PPFIA2: variants seen among roughly 807,000 people sequenced by gnomAD.
PPFIA2 encodes PPFI scaffold protein A2.
A neutral mutation model predicts 175.5 loss-of-function variants in PPFIA2; 46 were observed. The ratio of observed to expected loss-of-function variants is 0.26; its 90% CI spans 0.21 to 0.34. The LOEUF (loss-of-function observed/expected upper bound fraction) is 0.34. PPFIA2 is among the 10% of genes least tolerant of loss of function. PPFIA2 has a pLI of 1.00. For synonymous variants in PPFIA2, 568 were observed against 511.4 expected, an observed-to-expected ratio of 1.11 and a Z score of -1.49; for missense variants, 1,179 against 1,506.1, an observed-to-expected ratio of 0.78 and a Z score of 3.60.
intron 24 of PPFIA2, among the ~76,000 whole-genome samples, chr12:81,293,309 C>A (rs963159942): frequency 2.0e-4 from 31 of 151,876 alleles, no homozygotes; most frequent in Admixed American, 6.6e-4. Flanking sequence ...TCATGCATGC[C>A]TTTTTTGTCA....
chr12:81,683,949 A>G (rs2074060903), intron 3 of PPFIA2, among the ~76,000 whole-genome samples: 1 of 152,026 alleles, frequency 6.6e-6, no homozygotes, highest in Non-Finnish European at 1.5e-5. Context: ...TGTAACAACC[A>G]GCTCTCATGG....
intron 14 of PPFIA2, among the ~76,000 whole-genome samples, chr12:81,364,863 T>A (rs2032580780): frequency 6.6e-6 from 1 of 151,758 alleles, no homozygotes; most frequent in Admixed American, 6.6e-5. Flanking sequence ...CCTGAGTAAC[T>A]GAAAGAAAGA....
At chr12:81,642,633 C>CTATTATATACATACATTATGTATA (rs2065137628) in intron 4 of PPFIA2, among the ~76,000 whole-genome samples, 2 of 20,228 alleles carry the variant, frequency 9.9e-5, no homozygotes, top group African/African-American at 2.6e-4. Context: ...TACTATATAT[C>CTATTATATACATACATTATGTATA]TATTATATAC....
At chr12:81,337,279 T>G (rs1227610724) in intron 21 of PPFIA2, among the ~76,000 whole-genome samples, 1 of 152,166 alleles carries the variant, frequency 6.6e-6, no homozygotes, top group Non-Finnish European at 1.5e-5. Context: ...AGCTGCTGAT[T>G]CTGGCTTTGT....
intron 4 of PPFIA2, among the ~76,000 whole-genome samples, chr12:81,531,168 T>G (rs563939983): frequency 6.6e-6 from 1 of 151,930 alleles, no homozygotes; most frequent in Non-Finnish European, 1.5e-5. Flanking sequence ...TCCCAGCGAA[T>G]AGAAGCCATG....
At chr12:81,597,901 T>C (rs1265881581) in intron 4 of PPFIA2, 106 of 1,506,100 alleles carry the variant, frequency 7.0e-5, no homozygotes, top group Admixed American at 1.6e-4. Context: ...TGTTAAAAGT[T>C]TGACAATACA....
At chr12:81,514,171 T>A (rs1156502278) in intron 4 of PPFIA2, among the ~76,000 whole-genome samples, 1 of 151,532 alleles carries the variant, frequency 6.6e-6, no homozygotes, top group Non-Finnish European at 1.5e-5. Context: ...CCAGTCAAGT[T>A]CCCCCCCTGA....
chr12:81,279,041 C>T (rs1219699088), intron 27 of PPFIA2: 1 of 152,108 alleles, frequency 6.6e-6, no homozygotes, highest in African/African-American at 2.4e-5. Context: ...ATTCTCAGTA[C>T]TTCAGAATGT....
chr12:81,544,049 A>T (rs1594756975), intron 4 of PPFIA2, among the ~76,000 whole-genome samples: 2 of 152,094 alleles, frequency 1.3e-5, no homozygotes, highest in South Asian at 4.1e-4. Context: ...AGCCAAAGAG[A>T]TACGAATAAA....
chr12:81,652,790 C>T (rs2153534655), intron 4 of PPFIA2, among the ~76,000 whole-genome samples: 1 of 152,126 alleles, frequency 6.6e-6, no homozygotes, highest in East Asian at 1.9e-4. Context: ...ATACTGTTAT[C>T]CCTGAAATTT....
At chr12:81,648,347 C>T (rs2153528358) in intron 4 of PPFIA2, among the ~76,000 whole-genome samples, 1 of 151,806 alleles carries the variant, frequency 6.6e-6, no homozygotes, top group South Asian at 2.1e-4. Flanking sequence ...TGACATTCAT[C>T]TATGTAAAAA....
chr12:81,433,025 T>TA (rs56038834), intron 7 of PPFIA2, among the ~76,000 whole-genome samples: 41,662 of 147,650 alleles, frequency 0.28, 6,514 homozygotes, highest in East Asian at 0.43. Flanking sequence ...TAACAAAAAT[T>TA]AAAAAAAAAA....
chr12:81,412,078 G>A (rs1482672396), intron 7 of PPFIA2, among the ~76,000 whole-genome samples: 3 of 151,796 alleles, frequency 2.0e-5, no homozygotes, highest in African/African-American at 7.3e-5. Context: ...TAAAAGAGAG[G>A]TAAAACATCA....
At chr12:81,420,936 T>C (rs2046133180) in intron 7 of PPFIA2, among the ~76,000 whole-genome samples, 1 of 151,940 alleles carries the variant, frequency 6.6e-6, no homozygotes, top group Non-Finnish European at 1.5e-5. Flanking sequence ...CAACTCATTA[T>C]GTGAAAGAGA....
Position 81,477,229 on chromosome 12 carries a change from G to GA in PPFIA2, c.304-19364dup, listed in dbSNP as rs1273266703. On this transcript the variant is annotated intron_variant, in intron 4 of 32. Coordinates refer to ENST00000549396, the MANE Select transcript of PPFIA2 (RefSeq NM_003625.5). ...GAACTTAAAATAAAATTTAAAAAAA[G>GA]AAAAAAAAGGAAATTTAGTCTGAAG... 2.6e-5 allele frequency among the ~76,000 whole-genome samples: 4 copies of GA among 150,988 alleles called. No individual in the cohort carries two copies. The East Asian group carries it at 5.8e-4, about 22-fold the overall frequency.
chr12:81,540,478 G>A (rs2066041063), intron 4 of PPFIA2, among the ~76,000 whole-genome samples: 1 of 151,992 alleles, frequency 6.6e-6, no homozygotes, highest in Admixed American at 6.6e-5. Flanking sequence ...TGCTTTGTCA[G>A]CTGAAGAACT....
chr12:81,487,169 T>C (rs185527554), intron 4 of PPFIA2, among the ~76,000 whole-genome samples: 103 of 151,906 alleles, frequency 6.8e-4, no homozygotes, highest in Admixed American at 2.2e-3. Flanking sequence ...GAATATCCAC[T>C]GGAGTGAGTT....
chr12:81,576,251 G>A (rs537770080), intron 4 of PPFIA2, among the ~76,000 whole-genome samples: 1 of 151,842 alleles, frequency 6.6e-6, no homozygotes, highest in South Asian at 2.1e-4. Flanking sequence ...TTGAGAAAAT[G>A]ACTTTGGATC....
intron 7 of PPFIA2, among the ~76,000 whole-genome samples, chr12:81,429,240 G>C (rs1410287710): frequency 6.6e-6 from 1 of 151,978 alleles, no homozygotes; most frequent in Non-Finnish European, 1.5e-5. Flanking sequence ...CAGAACTGAG[G>C]AAGAGATAGA....
Sources: gnomAD v4.1 joint callset for allele counts (sites outside exome capture counted in the v4.1 genomes callset) on GRCh38, gnomAD v4.1.1 for gene constraint, MANE v1.5 for transcripts, NCBI Gene and HGNC (gene_info 2026-07-23, HGNC 2026-07-21) for gene names.